HYI: variants seen among roughly 807,000 people sequenced by gnomAD.
HYI encodes the protein hydroxypyruvate isomerase (putative).
In HYI, 47 loss-of-function variants were observed where a neutral mutation model predicts 39.7. The ratio of observed to expected loss-of-function variants is 1.18; its 90% CI spans 0.94 to 1.51. The LOEUF (loss-of-function observed/expected upper bound fraction) is 1.51. Among genes scored for constraint, HYI ranks in the 40% most tolerant of loss-of-function variants. HYI has a pLI of 0.00. For synonymous variants in HYI, 186 were observed against 158.8 expected (o/e 1.17, Z -1.29); for missense variants, 465 against 370.3 (o/e 1.26, Z -2.10).
At chr1:43,453,056 A>G (rs1273160110) in intron 2 of HYI, 23 of 1,169,876 alleles carry the variant, frequency 2.0e-5, no homozygotes, top group Non-Finnish European at 2.8e-5. Context: ...TCTGATCCAG[A>G]CAGGGTTAGG....
In HYI at chr1:43,452,272, G is replaced by C. The variant is rs978399173; in HGVS notation, c.359C>G (p.Ala120Gly). 1 of 1,614,104 alleles carries C rather than the reference G, an allele frequency of 6.2e-7. No individual in the cohort carries two copies. The change falls in exon 3 of 8, where the codon GCA becomes GGA. Residue 120 changes from alanine (A) to glycine (G), a missense_variant. Transcript: ENST00000372430. ...AACGGCCTCCATCTCAGCCTTGACT[G>C]CTATTCGATCAGCTCCCTGGGGTAC... is the stretch of plus-strand genomic sequence containing the variant. ...GRVPQGADRIAVKAEMEAVFL... is the reference protein window; with the variant it reads ...GRVPQGADRIGVKAEMEAVFL...
At position 43,452,312 on chromosome 1, in the gene HYI, G is replaced by A. The variant is rs984008662; in HGVS notation, c.319C>T (p.Leu107=). The stretch of plus-strand genomic sequence containing the variant: ...CCCTGGGGTACTCGGCCAGCCATCA[G>A]GTGGATCCTGTGGGGAAGATGGACT... The part of the protein sequence containing the change: ...AKALGCPRIH[L]MAGRVPQGAD... Residue 107 remains leucine, a synonymous_variant, in exon 3 of 8, where the codon CTG becomes TTG. Transcript: ENST00000372430. The A allele has an allele frequency of 3.0e-5, 49 of 1,613,400 alleles. No individual in the cohort carries two copies. The highest frequency in any genetic ancestry group is 4.0e-5 in the Non-Finnish European group (47 of 1,179,676).
At chr1:43,451,738 T>C (rs2251804) in intron 5 of HYI, 21 bp from the exon 6 acceptor site, 614,900 of 1,613,494 alleles carry the variant, frequency 0.38, 124,881 homozygotes, top group Non-Finnish European at 0.42. Flanking sequence ...GGATACTACA[T>C]TCCGAGACCC....
At position 43,451,963 on chromosome 1, in the gene HYI, GGGGTCAGTGATGC is replaced by G; in HGVS notation, c.464_476del (p.Arg155ProfsTer18). On this transcript the variant is annotated frameshift_variant, in exon 4 of 8. Transcript: ENST00000372430. LOFTEE classifies it high-confidence loss of function. Reference sequence around the variant, plus strand: ...GCTGGGGCGTGTCCAGGAAGTACTGGGGGTCAGTGATGCGGGTGTTGATGGGCTCCAGCAGTCC... The same window carrying G: ...GCTGGGGCGTGTCCAGGAAGTACTGGGGGTGTTGATGGGCTCCAGCAGTCC... 6.2e-7 allele frequency: 1 copy of G among 1,612,248 alleles called. No individual in the cohort carries two copies. Among genetic ancestry groups the G allele is most frequent in the Non-Finnish European group, 8.5e-7 (1 of 1,178,696 alleles).
intron 2 of HYI, chr1:43,452,952 C>T (rs1229441743): frequency 6.2e-7 from 1 of 1,609,820 alleles, no homozygotes; most frequent in Admixed American, 1.7e-5. Flanking sequence ...CCTCTTGCCA[C>T]AGCACCCTTG....
chr1:43,450,911 G>A (rs1258840713), downstream of HYI: 1 of 745,918 alleles, frequency 1.3e-6, no homozygotes, highest in South Asian at 1.4e-5. This position sits in a 1 kb window ranked among gnomAD's most constrained non-coding sequence, Gnocchi z 4.3. Context: ...CATCACTGCT[G>A]GACATTCCCA....
At chr1:43,453,228 A>T (rs1009996160) in intron 2 of HYI, 158 bp downstream of exon 2, 1 of 641,708 alleles carries the variant, frequency 1.6e-6, no homozygotes, top group African/African-American at 1.8e-5. Flanking sequence ...TAAGACAGAT[A>T]AAATACAAAA....
In HYI at chr1:43,453,206, A is replaced by G. The variant is rs538136338; in HGVS notation, c.311+180T>C. The stretch of plus-strand genomic sequence containing the variant: ...ATGGGGTGAGCATGAAAGAGTGGCA[A>G]ACAGAGTGGCATAAGACAGATAAAA... On this transcript the variant is annotated intron_variant, in intron 2 of 7. Coordinates refer to ENST00000372430, the MANE Select transcript of HYI (RefSeq NM_001190880.3). The G allele has an allele frequency of 9.2e-5, 59 of 641,730 alleles. No individual in the cohort carries two copies. In the African/African-American group the frequency reaches 9.4e-4, roughly 10 times the overall value. The allele number at this position is 641,730 out of a possible 1,614,324, so 39.8% of individuals were successfully genotyped here.
chr1:43,452,461 G>C (rs1388110106), intron 2 of HYI, 142 bp from the exon 3 acceptor site: 1 of 732,960 alleles, frequency 1.4e-6, no homozygotes, highest in East Asian at 2.7e-5. Flanking sequence ...AGGTATCCCA[G>C]CACTTTCAGA....
In HYI at chr1:43,451,133, C is replaced by G; in HGVS notation, c.*105G>C. The G allele has an allele frequency of 9.2e-7, 1 of 1,089,318 alleles. No individual in the cohort carries two copies. The highest frequency in any genetic ancestry group is 1.4e-6 in the Non-Finnish European group (1 of 705,558). 67.5% of individuals were successfully genotyped at this position (1,089,318 alleles called of 1,614,324 possible). A position where few individuals can be genotyped will look rare whatever the true frequency, so the allele number is the denominator to read the frequency against. On this transcript the variant is annotated 3_prime_UTR_variant, in exon 8 of 8. Transcript: ENST00000372430. ...TGTTAGACACTATGTGTCCCACCAC[C>G]CCATTACAGAGACATATGACAATGT...
rs1295227956 is a variant in HYI, at chr1:43,453,913, C to T, written c.-120G>A. ...GCCCTGCGAACGAACGAGCACTGTT[C>T]GTGGTTAGAAAAGCGAAGTGCTGTA... On this transcript the variant is annotated 5_prime_UTR_variant, in exon 1 of 8. Coordinates refer to ENST00000372430, the MANE Select transcript of HYI (RefSeq NM_001190880.3). 4 of 1,209,970 alleles carry T rather than the reference C, an allele frequency of 3.3e-6. No homozygotes were observed. Among genetic ancestry groups the T allele is most frequent in the East Asian group, 3.4e-5 (1 of 29,104 alleles). 75.0% of individuals were successfully genotyped at this position (1,209,970 alleles called of 1,614,324 possible).
intron 7 of HYI, 31 bp from the exon 8 acceptor site, chr1:43,451,342 G>A (rs1336243241): frequency 6.2e-7 from 1 of 1,612,842 alleles, no homozygotes; most frequent in Non-Finnish European, 8.5e-7. Flanking sequence ...CGGCACCTCA[G>A]CCCACAAGGA....
intron 1 of HYI, 24 bp downstream of exon 1, chr1:43,453,571 C>T: frequency 2.0e-6 from 3 of 1,520,898 alleles, no homozygotes; most frequent in Non-Finnish European, 2.7e-6. Context: ...CCAGCCCTCC[C>T]AGCCCTCCCG....
Position 43,451,613 on chromosome 1 carries a change from T to G in HYI, c.625+35A>C, listed in dbSNP as rs1193405900. The G allele has an allele frequency of 2.5e-6, 4 of 1,613,782 alleles. No individual in the cohort carries two copies. In the Admixed American group the frequency reaches 5.0e-5, roughly 20 times the overall value. ...GGGCCTGAAGGACAGATGTGGGGAT[T>G]GAAAGGGTGGGAGGGCAAAGGAAGG... On this transcript the variant is annotated intron_variant, in intron 6 of 7. Transcript: ENST00000372430.
rs1013599992 is a variant in HYI at position 43,453,481 on chromosome 1, C to T, written c.216G>A (p.Gly72=). 7 of 1,559,032 alleles carry T rather than the reference C, an allele frequency of 4.5e-6. No homozygotes were observed. In the Admixed American group the frequency reaches 1.1e-4, roughly 25 times the overall value. Residue 72 remains glycine, a synonymous_variant, in exon 2 of 8, where the codon GGG becomes GGA. Coordinates refer to ENST00000372430, the MANE Select transcript of HYI (RefSeq NM_001190880.3). The part of the protein sequence containing the change: ...INTPPGDQEK[G]EMGLGAVPGR... ...CGGGGACGGCCCCCAGCCCCATTTC[C>T]CCCTTCTCTTGGTCTCCTGCAGAGA...
chr1:43,453,644 G>T lies in HYI; in HGVS notation c.150C>A (p.Arg50=). The part of the protein sequence containing the change: ...PYAETPEALA[R]AAREAGLRLV... ...GCCGCAGCCCCGCTTCTCGCGCGGC[G>T]CGCGCCAGCGCCTCAGGCGTCTCCG... The change falls in exon 1 of 8, where the codon CGC becomes CGA. Residue 50 remains arginine (R), a synonymous_variant. Coordinates refer to ENST00000372430, the MANE Select transcript of HYI (RefSeq NM_001190880.3). The T allele has an allele frequency of 6.7e-7, 1 of 1,490,476 alleles. No homozygotes were observed. Among genetic ancestry groups the T allele is most frequent in the South Asian group, 1.3e-5 (1 of 78,516 alleles). 92.3% of individuals were successfully genotyped at this position (1,490,476 alleles called of 1,614,324 possible).
In HYI at chr1:43,451,838, A is replaced by G. The variant is rs774930343; in HGVS notation, c.515T>C (p.Ile172Thr). 8.7e-6 allele frequency: 14 copies of G among 1,614,036 alleles called. No homozygotes were observed. Among genetic ancestry groups the G allele is most frequent in the Non-Finnish European group, 1.2e-5 (14 of 1,179,966 alleles). ...FLDTPQQAAA[I>T]LQKVGRPNLQ... is the part of the protein sequence containing the mutation. ...GTTGGGTCTTCCTACCTTCTGTAAG[A>G]TGGCTGCCGCTGTAAGAGAAGCCAG... Residue 172 changes from isoleucine to threonine, a missense_variant, in exon 5 of 8, where the codon ATC (isoleucine) becomes ACC (threonine). Physicochemically the swap from Ile to Thr is moderately conservative, Grantham distance 89. Coordinates refer to ENST00000372430, the MANE Select transcript of HYI (RefSeq NM_001190880.3).
chr1:43,451,604 TG>T (rs1656432836), intron 6 of HYI, 43 bp downstream of exon 6: 1 of 1,613,674 alleles, frequency 6.2e-7, no homozygotes, highest in East Asian at 2.2e-5. Flanking sequence ...GAAGGACAGA[TG>T]TGGGGATTGA....
At position 43,453,726 on chromosome 1, in the gene HYI, C is replaced by T. The variant is rs753631450; in HGVS notation, c.68G>A (p.Arg23Gln). The change falls in exon 1 of 8, where the codon CGG becomes CAG. Residue 23 changes from arginine (R) to glutamine (Q), a missense_variant. Physicochemically the swap from Arg to Gln is conservative, Grantham distance 43. Transcript: ENST00000372430. The stretch of plus-strand genomic sequence containing the variant: ...GCCCGAGCTGCCCGCGGCCCGCACC[C>T]GCGCGGGGAGGCCGGAGAGCTCGGG... ...LFPELSGLPA[R>Q]VRAAGSSGFE... 7.2e-7 allele frequency: 1 copy of T among 1,390,112 alleles called. No individual in the cohort carries two copies. The highest frequency in any genetic ancestry group is 9.2e-7 in the Non-Finnish European group (1 of 1,083,686). The allele number at this position is 1,390,112 out of a possible 1,614,324, so 86.1% of individuals were successfully genotyped here.
Sources: allele counts gnomAD v4.1 joint callset, GRCh38; gene constraint gnomAD v4.1.1; non-coding constraint Gnocchi (gnomAD v3.1); transcripts MANE v1.5; gene names NCBI Gene and HGNC (gene_info 2026-07-23, HGNC 2026-07-21).